Variants in TOX2 observed in about 807,000 individuals in gnomAD.
TOX2 encodes granulosa cell HMG box 1.
Under a neutral mutation model 47.4 loss-of-function variants are expected in TOX2, and 15 were observed. The ratio of observed to expected loss-of-function variants is 0.32; its 90% CI spans 0.21 to 0.49. The LOEUF (loss-of-function observed/expected upper bound fraction) is 0.49, where lower values mean the gene tolerates loss of function less well. TOX2 is among the 20% of genes least tolerant of loss of function. TOX2 has a pLI of 0.99. For missense variants in TOX2, 622 were observed against 673.1 expected, an observed-to-expected ratio of 0.92 and a Z score of 0.84; for synonymous variants, 290 against 296.6, an observed-to-expected ratio of 0.98 and a Z score of 0.23.
At chr20:43,920,332 G>A (rs1232460938) in intron 1 of TOX2, among the ~76,000 whole-genome samples, 1 of 152,220 alleles carries the variant, frequency 6.6e-6, no homozygotes, top group Non-Finnish European at 1.5e-5. Flanking sequence ...AATTCATGAA[G>A]TGGGGTTAAA....
At chr20:43,987,524 T>G (rs2070287416) in intron 2 of TOX2, among the ~76,000 whole-genome samples, 1 of 152,178 alleles carries the variant, frequency 6.6e-6, no homozygotes, top group Non-Finnish European at 1.5e-5. Flanking sequence ...ATTCTATGCT[T>G]CAATAAGGTG....
In TOX2 at chr20:44,063,787, T is replaced by TACACACAC. The variant is rs61481919; in HGVS notation, c.880-980_880-973dup. 4.2e-3 allele frequency among the ~76,000 whole-genome samples: 569 copies of TACACACAC among 134,078 alleles called. 1 individual carries two copies. The highest frequency in any genetic ancestry group is 5.9e-3 in the Non-Finnish European group (357 of 60,712). The allele number at this position is 134,078 out of a possible 152,430, so 88.0% of individuals were successfully genotyped here. Reference sequence around the variant, plus strand: ...ACACACACACATATACATATATATGTACACACACACACACACAAACACCAT... The same window carrying TACACACAC: ...ACACACACACATATACATATATATGTACACACACACACACACACACACACAAACACCAT... On this transcript the variant is annotated intron_variant, in intron 5 of 8. Coordinates refer to ENST00000341197, the MANE Select transcript of TOX2 (RefSeq NM_001098797.2).
At chr20:43,937,739 C>T (rs2069345513) in intron 1 of TOX2, among the ~76,000 whole-genome samples, 1 of 152,174 alleles carries the variant, frequency 6.6e-6, no homozygotes, top group South Asian at 2.1e-4. Context: ...GCGACCGCAG[C>T]ATCGAGTCCC....
intron 3 of TOX2, among the ~76,000 whole-genome samples, chr20:44,021,608 G>T (rs2070976709): frequency 6.6e-6 from 1 of 152,062 alleles, no homozygotes. Context: ...CAGTACATTG[G>T]CTGTGCCCTG....
intron 5 of TOX2, among the ~76,000 whole-genome samples, chr20:44,060,641 A>T (rs182982938): frequency 6.6e-6 from 1 of 152,344 alleles, no homozygotes; most frequent in Admixed American, 6.5e-5. Flanking sequence ...ATAGTTAAAT[A>T]ACCTGCTCCT....
At chr20:43,933,029 G>C (rs1213605381) in intron 1 of TOX2, among the ~76,000 whole-genome samples, 1 of 152,190 alleles carries the variant, frequency 6.6e-6, no homozygotes, top group Non-Finnish European at 1.5e-5. Flanking sequence ...GGGCACCAAA[G>C]AGAAACAGAA....
intron 3 of TOX2, among the ~76,000 whole-genome samples, chr20:44,013,929 A>T (rs1365877250): frequency 1.3e-5 from 2 of 152,080 alleles, no homozygotes; most frequent in Admixed American, 1.3e-4. Flanking sequence ...CAGGAGTTCA[A>T]GACCAGCCTG....
chr20:43,999,252 T>C (rs576573675), intron 2 of TOX2, among the ~76,000 whole-genome samples: 1 of 152,342 alleles, frequency 6.6e-6, no homozygotes, highest in South Asian at 2.1e-4. Flanking sequence ...GATAGTTCAC[T>C]CCTGTTTTCT....
Position 43,991,464 on chromosome 20 carries a change from C to G in TOX2, c.166-15083C>G, listed in dbSNP as rs60257970. On this transcript the variant is annotated intron_variant, in intron 2 of 8. Coordinates refer to ENST00000341197, the MANE Select transcript of TOX2 (RefSeq NM_001098797.2). ...CGAAACTGTGAACAAAGCAGTCAAA[C>G]ACTCCTAGTCCTTACTCGTTCATGC... Among the ~76,000 whole-genome samples, 215 of 152,304 alleles carry G rather than the reference C, an allele frequency of 1.4e-3. 1 individual carries two copies. The highest frequency in any genetic ancestry group is 4.7e-3 in the African/African-American group (196 of 41,560).
intron 8 of TOX2, among the ~76,000 whole-genome samples, chr20:44,067,703 C>T (rs998180930): frequency 7.2e-5 from 11 of 152,170 alleles, no homozygotes; most frequent in African/African-American, 2.2e-4. Flanking sequence ...CCTGGATCCA[C>T]GCCACCCCAA....
intron 1 of TOX2, among the ~76,000 whole-genome samples, chr20:43,931,658 G>A (rs532177058): frequency 1.2e-4 from 19 of 152,280 alleles, no homozygotes; most frequent in South Asian, 1.2e-3. Context: ...GGTGTGCTGC[G>A]TTTTAGAAGA....
chr20:44,051,819 G>A (rs954712894), intron 4 of TOX2, among the ~76,000 whole-genome samples: 1 of 152,236 alleles, frequency 6.6e-6, no homozygotes, highest in Admixed American at 6.5e-5. Context: ...AGGGGGGATG[G>A]CACCTATGGG....
intron 3 of TOX2, among the ~76,000 whole-genome samples, chr20:44,050,603 T>A (rs1465080828): frequency 1.3e-5 from 2 of 152,216 alleles, no homozygotes; most frequent in African/African-American, 4.8e-5. Flanking sequence ...ACCAATAACT[T>A]TCCAGAAGTA....
At chr20:44,033,335 C>A (rs147548107) in intron 3 of TOX2, among the ~76,000 whole-genome samples, 1 of 152,048 alleles carries the variant, frequency 6.6e-6, no homozygotes, top group South Asian at 2.1e-4. Flanking sequence ...TGGGAAGACT[C>A]GCATGGGGGA....
chr20:44,026,238 TATATATATATAGAC>T (rs1244328374), intron 3 of TOX2, among the ~76,000 whole-genome samples: 1 of 100,458 alleles, frequency 1.0e-5, no homozygotes, highest in Middle Eastern at 5.0e-3. Context: ...GATATATATA[TATATATATATAGAC>T]ACACACACAC....
intron 1 of TOX2, among the ~76,000 whole-genome samples, chr20:43,944,315 GA>G (rs2069438241): frequency 6.6e-6 from 1 of 152,220 alleles, no homozygotes; most frequent in Non-Finnish European, 1.5e-5. Flanking sequence ...CACATGAACA[GA>G]AACGATTGGC....
intron 1 of TOX2, among the ~76,000 whole-genome samples, chr20:43,950,300 C>G (rs2069539588): frequency 6.6e-6 from 1 of 152,164 alleles, no homozygotes; most frequent in South Asian, 2.1e-4. Context: ...GCTCTGAGGC[C>G]CTGCTGAGGT....
chr20:44,061,551 C>A (rs1439878252), intron 5 of TOX2, among the ~76,000 whole-genome samples: 1 of 151,994 alleles, frequency 6.6e-6, no homozygotes, highest in African/African-American at 2.4e-5. Context: ...CCCTTGAGAA[C>A]TGGAACAAGA....
intron 1 of TOX2, among the ~76,000 whole-genome samples, chr20:43,971,568 A>G (rs550067416): frequency 2.6e-5 from 4 of 152,364 alleles, no homozygotes; most frequent in African/African-American, 9.6e-5. Flanking sequence ...TTACAAATGC[A>G]CATACAGTTG....
Sources: allele counts gnomAD v4.1 joint callset (sites outside exome capture counted in the v4.1 genomes callset), GRCh38; gene constraint gnomAD v4.1.1; transcripts MANE v1.5; gene names NCBI Gene and HGNC (gene_info 2026-07-23, HGNC 2026-07-21).